Variants in CNIH3 observed in about 807,000 individuals in gnomAD.
The protein encoded by CNIH3 is cornichon family AMPA receptor auxiliary protein 3.
CNIH3 carries 14 observed loss-of-function variants against 24.1 expected under a neutral mutation model. The observed-to-expected ratio is 0.58, with a 90% confidence interval of 0.38 to 0.91. The LOEUF is 0.91. CNIH3 is among the 40% of genes least tolerant of loss of function. CNIH3 has a pLI of 0.00. For missense variants in CNIH3, 178 were observed against 196.8 expected (o/e 0.90, Z 0.57); for synonymous variants, 68 against 73.8 (o/e 0.92, Z 0.40).
intron 3 of CNIH3, among the ~76,000 whole-genome samples, chr1:224,551,394 A>T (rs1045905245): frequency 2.6e-5 from 4 of 152,180 alleles, no homozygotes; most frequent in African/African-American, 9.7e-5. Context: ...ATGCAGCCAT[A>T]AAAAATGATG....
chr1:224,651,064 G>GAC (rs71772293), intron 1 of CNIH3, among the ~76,000 whole-genome samples: 84 of 151,210 alleles, frequency 5.6e-4, no homozygotes, highest in African/African-American at 1.8e-3. Flanking sequence ...GAGGGACATG[G>GAC]ACACACACAC....
At chr1:224,678,186 A>G (rs997106998) in intron 1 of CNIH3, among the ~76,000 whole-genome samples, 4 of 152,226 alleles carry the variant, frequency 2.6e-5, no homozygotes, top group African/African-American at 4.8e-5. Flanking sequence ...TAACCAGGAT[A>G]AATATTAGTT....
intron 1 of CNIH3, among the ~76,000 whole-genome samples, chr1:224,647,109 C>A (rs1257543162): frequency 6.6e-6 from 1 of 152,294 alleles, no homozygotes; most frequent in African/African-American, 2.4e-5. Flanking sequence ...GCTTCAGCCT[C>A]CTGAGTGGGG....
At position 224,733,030 on chromosome 1, in the gene CNIH3, C is replaced by T. The variant is rs188195064; in HGVS notation, c.312-1533C>T. Among the ~76,000 whole-genome samples the T allele has an allele frequency of 4.1e-3, 621 of 152,230 alleles. 7 individuals are homozygous for T. Among genetic ancestry groups the T allele is most frequent in the African/African-American group, 0.014 (597 of 41,514 alleles). On this transcript the variant is annotated intron_variant, in intron 4 of 5. Coordinates refer to ENST00000272133, the MANE Select transcript of CNIH3 (RefSeq NM_152495.2). The stretch of plus-strand genomic sequence containing the variant: ...TTTATCCCCCTTTTTACTCCCCCTC[C>T]TTCCCAACAGGTCCAGACCAGTGAC...
At chr1:224,675,373 A>C (rs1176149279) in intron 1 of CNIH3, among the ~76,000 whole-genome samples, 1 of 152,212 alleles carries the variant, frequency 6.6e-6, no homozygotes, top group Non-Finnish European at 1.5e-5. Flanking sequence ...AAAAATATGT[A>C]AGTGAAAACC....
At chr1:224,501,553 G>T (rs1433935716) in intron 1 of CNIH3, among the ~76,000 whole-genome samples, 2 of 146,968 alleles carry the variant, frequency 1.4e-5, no homozygotes, top group African/African-American at 2.5e-5. Flanking sequence ...CAGAGTTCAT[G>T]TTCTTAATCA....
At chr1:224,454,385 T>C (rs760498818) in intron 1 of CNIH3, 154 of 885,252 alleles carry the variant, frequency 1.7e-4, no homozygotes, top group Non-Finnish European at 2.0e-4. Flanking sequence ...TTGAACATAA[T>C]TGAAATGTCA....
At chr1:224,538,664 T>TCTC (rs1491587453), downstream of CNIH3, among the ~76,000 whole-genome samples, 6 of 127,092 alleles carry the variant, frequency 4.7e-5, no homozygotes, top group African/African-American at 1.6e-4. Context: ...TCTCTCTCTC[T>TCTC]TTTTTTTTTT....
chr1:224,729,946 A>G (rs1235526157), intron 3 of CNIH3, among the ~76,000 whole-genome samples: 2 of 152,166 alleles, frequency 1.3e-5, no homozygotes, highest in African/African-American at 4.8e-5. Context: ...GCAAAATGCC[A>G]CTGCCTTCTG....
chr1:224,590,762 A>G (rs1681720112), downstream of CNIH3, among the ~76,000 whole-genome samples: 1 of 152,120 alleles, frequency 6.6e-6, no homozygotes, highest in African/African-American at 2.4e-5. Flanking sequence ...GACACATTCA[A>G]ATCATAGCTA....
chr1:224,501,526 T>TATATA (rs200735493), intron 1 of CNIH3, among the ~76,000 whole-genome samples: 1 of 62,696 alleles, frequency 1.6e-5, no homozygotes, highest in African/African-American at 6.4e-5. Flanking sequence ...TATATATATA[T>TATATA]TTTTTTTTTT....
intron 1 of CNIH3, among the ~76,000 whole-genome samples, chr1:224,509,332 C>A (rs538408536): frequency 2.6e-5 from 4 of 151,866 alleles, no homozygotes; most frequent in Non-Finnish European, 5.9e-5. Context: ...GATAGAAAGA[C>A]GAAAGGAAAG....
At chr1:224,645,490 C>T (rs779225548) in intron 1 of CNIH3, among the ~76,000 whole-genome samples, 19 of 152,384 alleles carry the variant, frequency 1.2e-4, no homozygotes, top group South Asian at 2.1e-4. Context: ...CGGTGCCGAG[C>T]GTTTCCAGCC....
chr1:224,587,849 G>T (rs1681575836), intron 5 of CNIH3, among the ~76,000 whole-genome samples: 1 of 152,094 alleles, frequency 6.6e-6, no homozygotes, highest in East Asian at 1.9e-4. Flanking sequence ...GGCCAAGGTG[G>T]GAGGATTGCT....
In CNIH3 at chr1:224,604,929, A is replaced by G. The variant is rs762647353; in HGVS notation, n.402+38665A>G. 1.1e-4 allele frequency among the ~76,000 whole-genome samples: 16 copies of G among 152,162 alleles called. No individual in the cohort carries two copies. Among genetic ancestry groups the G allele is most frequent in the African/African-American group, 1.9e-4 (8 of 41,434 alleles). On this transcript the variant is annotated intron_variant and non_coding_transcript_variant, in intron 3 of 7. Coordinates refer to the CNIH3 transcript ENST00000478120. The surrounding 1 kb of genome is among the most constrained non-coding windows in gnomAD (Gnocchi z 4.4). ...AAATGGCTTTCAGAGGAGAGGGGACATGGGGTTGGTCCTGCTACCTGAAAG... is the reference window on the plus strand; with the variant it reads ...AAATGGCTTTCAGAGGAGAGGGGACGTGGGGTTGGTCCTGCTACCTGAAAG...
intron 3 of CNIH3, among the ~76,000 whole-genome samples, chr1:224,702,278 A>G (rs944703132): frequency 6.6e-6 from 1 of 152,226 alleles, no homozygotes; most frequent in African/African-American, 2.4e-5. Context: ...TTTCATATTT[A>G]TAGACCTTAT....
At chr1:224,729,588 A>T (rs1384015474) in intron 3 of CNIH3, among the ~76,000 whole-genome samples, 1 of 151,942 alleles carries the variant, frequency 6.6e-6, no homozygotes, top group African/African-American at 2.4e-5. Context: ...CTCCCTATAT[A>T]ACTGGGTAAA....
intron 1 of CNIH3, among the ~76,000 whole-genome samples, chr1:224,484,118 C>T (rs961722512): frequency 6.7e-5 from 10 of 149,324 alleles, no homozygotes; most frequent in Admixed American, 3.4e-4. Flanking sequence ...TTGCAGTGAG[C>T]GGAGATCGCA....
chr1:224,616,749 G>A lies in CNIH3; in HGVS notation c.-426G>A. Reference sequence around the variant, plus strand: ...GGAGCGGAGCGCTCGTCTCTCCTCAGCGGTTTAGTGGAGAAAAGCAGAGAG... The same window carrying A: ...GGAGCGGAGCGCTCGTCTCTCCTCAACGGTTTAGTGGAGAAAAGCAGAGAG... On this transcript the variant is annotated 5_prime_UTR_variant, in exon 1 of 6. Coordinates refer to ENST00000272133, the MANE Select transcript of CNIH3 (RefSeq NM_152495.2). 4.0e-6 allele frequency: 4 copies of A among 1,009,232 alleles called. No individual in the cohort carries two copies. The highest frequency in any genetic ancestry group is 4.7e-6 in the Non-Finnish European group (4 of 845,708). The allele number at this position is 1,009,232 out of a possible 1,614,324, so 62.5% of individuals were successfully genotyped here.
Sources: allele counts gnomAD v4.1 joint callset (sites outside exome capture counted in the v4.1 genomes callset), GRCh38; gene constraint gnomAD v4.1.1; non-coding constraint Gnocchi (gnomAD v3.1); transcripts MANE v1.5; gene names NCBI Gene and HGNC (gene_info 2026-07-23, HGNC 2026-07-21).